Variants in PIEZO2 observed in about 807,000 individuals in gnomAD.
The protein encoded by PIEZO2 is piezo-type mechanosensitive ion channel component 2.
In PIEZO2, 172 loss-of-function variants were observed where a neutral mutation model predicts 337.3. That is an observed-to-expected ratio of 0.51 (90% CI 0.45 to 0.58). The LOEUF (loss-of-function observed/expected upper bound fraction) is 0.58. PIEZO2 is among the 20% of genes least tolerant of loss of function. The pLI, the probability that PIEZO2 is intolerant of heterozygous loss-of-function variation, is 0.00. For synonymous variants in PIEZO2, 1,251 were observed against 1,228.5 expected (o/e 1.02, Z -0.38); for missense variants, 3,028 against 3,391.3 (o/e 0.89, Z 2.66).
intron 2 of PIEZO2, among the ~76,000 whole-genome samples, chr18:11,017,134 C>T (rs1568298868): frequency 6.6e-6 from 1 of 152,198 alleles, no homozygotes; most frequent in South Asian, 2.1e-4. Flanking sequence ...AAGAACATAA[C>T]TTGGACACGT....
chr18:10,737,304 A>C (rs2037044774), intron 33 of PIEZO2, among the ~76,000 whole-genome samples: 1 of 152,092 alleles, frequency 6.6e-6, no homozygotes, highest in Non-Finnish European at 1.5e-5. Context: ...AAAACAAAAA[A>C]ACACGCACAC....
At chr18:11,059,732 T>C (rs1272045658) in intron 2 of PIEZO2, among the ~76,000 whole-genome samples, 1 of 152,170 alleles carries the variant, frequency 6.6e-6, no homozygotes, top group Non-Finnish European at 1.5e-5. Flanking sequence ...ATGCACCCAA[T>C]ACAGGAGCAC....
rs2144020393 is a variant in PIEZO2, at chr18:10,726,432, C to A, written c.5029+4975G>T. On this transcript the variant is annotated intron_variant, in intron 36 of 55. Coordinates refer to ENST00000674853, the MANE Select transcript of PIEZO2 (RefSeq NM_001378183.1). The surrounding 1 kb of genome is among the most constrained non-coding windows in gnomAD (Gnocchi z 5.9). Reference sequence around the variant, plus strand: ...GTGGCACAACGCGGAGGGCCGGCTGCGGTACGGGCTACGGCCGGCGAACCC... The same window carrying A: ...GTGGCACAACGCGGAGGGCCGGCTGAGGTACGGGCTACGGCCGGCGAACCC... 2.0e-6 allele frequency: 3 copies of A among 1,529,926 alleles called. No individual in the cohort carries two copies. In the East Asian group the frequency reaches 7.4e-5, roughly 38 times the overall value. 94.8% of individuals were successfully genotyped at this position (1,529,926 alleles called of 1,614,324 possible).
At chr18:10,972,722 A>C (rs2034292116) in intron 3 of PIEZO2, among the ~76,000 whole-genome samples, 1 of 152,220 alleles carries the variant, frequency 6.6e-6, no homozygotes, top group Non-Finnish European at 1.5e-5. Context: ...AATTTCATCC[A>C]TGTGACTGTG....
At chr18:10,721,119 A>G (rs78465830) in intron 36 of PIEZO2, among the ~76,000 whole-genome samples, 2,518 of 152,344 alleles carry the variant, frequency 0.017, 37 homozygotes, top group Non-Finnish European at 0.024. Flanking sequence ...GAAAGGCTTT[A>G]GAACAAAGAA....
chr18:10,940,000 G>A (rs2032639443), intron 3 of PIEZO2, among the ~76,000 whole-genome samples: 2 of 151,842 alleles, frequency 1.3e-5, no homozygotes, highest in South Asian at 4.2e-4. Flanking sequence ...TCATTATTAT[G>A]TATACTCTAG....
At chr18:10,917,142 C>T (rs79215997) in intron 3 of PIEZO2, among the ~76,000 whole-genome samples, 1 of 928 alleles carries the variant, frequency 1.1e-3, no homozygotes, top group Non-Finnish European at 2.0e-3. Flanking sequence ...GGTCGGTCAC[C>T]CACCAATATG....
rs2034637856 is a variant in PIEZO2, at chr18:10,980,895, A to G, written c.161-1235T>C. Among the ~76,000 whole-genome samples the G allele has an allele frequency of 6.6e-6, 1 of 152,176 alleles. No individual in the cohort carries two copies. Among genetic ancestry groups the G allele is most frequent in the Admixed American group, 6.5e-5 (1 of 15,276 alleles). On this transcript the variant is annotated intron_variant, in intron 2 of 55. Transcript: ENST00000674853. This position sits in a 1 kb window ranked among gnomAD's most constrained non-coding sequence, Gnocchi z 4.8. ...AAGTCCATAATCAAAGTGGTTAACTAAGGGAGACTATCCTCCATAACCTGG... is the reference window on the plus strand; with the variant it reads ...AAGTCCATAATCAAAGTGGTTAACTGAGGGAGACTATCCTCCATAACCTGG...
chr18:10,943,559 A>G lies in PIEZO2; in HGVS notation c.287-32331T>C, dbSNP rs143352106. On this transcript the variant is annotated intron_variant, in intron 3 of 55. Transcript: ENST00000674853. The surrounding 1 kb of genome is among the most constrained non-coding windows in gnomAD (Gnocchi z 4.5). ...TTATTTGCCCAATGCCTTTACCCCCATTGTATACAGGAAGTAACTAACTTG... is the reference window on the plus strand; with the variant it reads ...TTATTTGCCCAATGCCTTTACCCCCGTTGTATACAGGAAGTAACTAACTTG... Among the ~76,000 whole-genome samples, 1,039 of 152,232 alleles carry G rather than the reference A, an allele frequency of 6.8e-3. 23 individuals are homozygous for G. Among genetic ancestry groups the G allele is most frequent in the African/African-American group, 0.024 (978 of 41,536 alleles).
At chr18:11,115,813 G>GT (rs1568386518) in intron 1 of PIEZO2, among the ~76,000 whole-genome samples, 1 of 152,092 alleles carries the variant, frequency 6.6e-6, no homozygotes, top group Non-Finnish European at 1.5e-5. Context: ...ATAAAATGCC[G>GT]TAAGTGCTAT....
Position 10,689,817 on chromosome 18 carries a change from A to G in PIEZO2, c.7350-15T>C, listed in dbSNP as rs2034720666. The stretch of plus-strand genomic sequence containing the variant: ...CGAGGCGAAACCTGGCAGGAAACAC[A>G]TCTCGTCAGAGAGACATTCGTGGGT... On this transcript the variant is annotated splice_polypyrimidine_tract_variant and intron_variant, in intron 48 of 55. Coordinates refer to ENST00000674853, the MANE Select transcript of PIEZO2 (RefSeq NM_001378183.1). 2.5e-6 allele frequency: 4 copies of G among 1,595,870 alleles called. No individual in the cohort carries two copies. The highest frequency in any genetic ancestry group is 1.7e-5 in the Admixed American group (1 of 58,856).
At chr18:11,037,410 A>G (rs1048408080) in intron 2 of PIEZO2, among the ~76,000 whole-genome samples, 5 of 152,242 alleles carry the variant, frequency 3.3e-5, no homozygotes, top group African/African-American at 1.2e-4. Flanking sequence ...AGCTAAACTA[A>G]AAAATAATTA....
rs144159846 is a variant in PIEZO2 at position 11,051,345 on chromosome 18, A to ATGTGTGTGTGTGTGTGTGTGTG, written c.160+14760_160+14781dup. ...CCTTAGACAGCAACCATCACTTAGGATGTGTGTGTGTGTGTGTGTGTGTGG... is the reference window on the plus strand; with the variant it reads ...CCTTAGACAGCAACCATCACTTAGGATGTGTGTGTGTGTGTGTGTGTGTGTGTGTGTGTGTGTGTGTGTGTGG... On this transcript the variant is annotated intron_variant, in intron 2 of 55. Coordinates refer to ENST00000674853, the MANE Select transcript of PIEZO2 (RefSeq NM_001378183.1). Among the ~76,000 whole-genome samples, 8 of 146,776 alleles carry ATGTGTGTGTGTGTGTGTGTGTG rather than the reference A, an allele frequency of 5.5e-5. No homozygotes were observed. The South Asian group carries it at 6.7e-4, about 12-fold the overall frequency.
chr18:10,849,463 C>T (rs2041470127), intron 7 of PIEZO2, among the ~76,000 whole-genome samples: 1 of 152,224 alleles, frequency 6.6e-6, no homozygotes, highest in South Asian at 2.1e-4. Context: ...TAAAGCCTCT[C>T]AGAGGCCACA....
rs2042337567 is a variant in PIEZO2, at chr18:10,878,892, G to GT, written c.330-7478dup. On this transcript the variant is annotated intron_variant, in intron 4 of 55. Transcript: ENST00000674853. The surrounding 1 kb of genome is among the most constrained non-coding windows in gnomAD (Gnocchi z 4.3). ...AGGAGAAACAGTGACGTGGCTGCTG[G>GT]TAGTGCAGGTGGTGTTTTCACAATG... Among the ~76,000 whole-genome samples the GT allele has an allele frequency of 6.6e-6, 1 of 152,190 alleles. No individual in the cohort carries two copies. Among genetic ancestry groups the GT allele is most frequent in the African/African-American group, 2.4e-5 (1 of 41,442 alleles).
chr18:11,142,641 T>C (rs943057557), intron 1 of PIEZO2, among the ~76,000 whole-genome samples: 1 of 151,868 alleles, frequency 6.6e-6, no homozygotes, highest in Non-Finnish European at 1.5e-5. Context: ...ATTAGCGGAC[T>C]GGGGTGGTGC....
At chr18:10,736,999 C>T (rs1404776805) in intron 33 of PIEZO2, among the ~76,000 whole-genome samples, 4 of 152,068 alleles carry the variant, frequency 2.6e-5, no homozygotes, top group African/African-American at 9.7e-5. Flanking sequence ...GTAAAATTTA[C>T]ATAGATGAAG....
chr18:10,954,679 A>G lies in PIEZO2; in HGVS notation c.286+24856T>C, dbSNP rs1292778388. Among the ~76,000 whole-genome samples, 1 of 152,200 alleles carries G rather than the reference A, an allele frequency of 6.6e-6. No individual in the cohort carries two copies. Among genetic ancestry groups the G allele is most frequent in the Non-Finnish European group, 1.5e-5 (1 of 68,052 alleles). ...CGGCACTCGAAGTCCACTGCAGTCC[A>G]CTTTTGGGACTGGTTGCCATGGTGA... On this transcript the variant is annotated intron_variant, in intron 3 of 55. Transcript: ENST00000674853. The surrounding 1 kb of genome is among the most constrained non-coding windows in gnomAD (Gnocchi z 4.2).
intron 15 of PIEZO2, among the ~76,000 whole-genome samples, chr18:10,788,525 T>A (rs2039309231): frequency 6.6e-6 from 1 of 151,988 alleles, no homozygotes; most frequent in East Asian, 1.9e-4. Context: ...GATCAATAAT[T>A]TTTGGAAAAC....
Sources: allele counts gnomAD v4.1 joint callset (sites outside exome capture counted in the v4.1 genomes callset), GRCh38; gene constraint gnomAD v4.1.1; non-coding constraint Gnocchi (gnomAD v3.1); transcripts MANE v1.5; gene names NCBI Gene and HGNC (gene_info 2026-07-23, HGNC 2026-07-21).